The following KLK12 variants were observed in gnomAD, a reference collection of about 807,000 sequenced individuals.
The protein encoded by KLK12 is kallikrein related peptidase 12, also known as kallikrein-12.
Under a neutral mutation model 20.0 loss-of-function variants are expected in KLK12, and 23 were observed. The ratio of observed to expected loss-of-function variants is 1.15; its 90% CI spans 0.83 to 1.63. KLK12 has a LOEUF of 1.63. KLK12 is among the 40% of genes most tolerant of loss of function. The pLI is 0.00. For missense variants in KLK12, 351 were observed against 338.6 expected (o/e 1.04, Z -0.29); for synonymous variants, 147 against 141.9 (o/e 1.04, Z -0.25).
intron 1 of KLK12, 59 bp from the exon 2 acceptor site, chr19:51,034,699 T>G: frequency 3.8e-6 from 6 of 1,559,040 alleles, no homozygotes; most frequent in Non-Finnish European, 5.2e-6. Context: ...ACCTCTGCCC[T>G]CTCTGCTTCT....
chr19:51,033,836 G>A, intron 3 of KLK12, 144 bp downstream of exon 3: 1 of 886,448 alleles, frequency 1.1e-6, no homozygotes, highest in Non-Finnish European at 1.8e-6. Flanking sequence ...CCACTGCTAA[G>A]GAAGTTCCAC....
At position 51,034,485 on chromosome 19, in the gene KLK12, T is replaced by G. The variant is rs562035677; in HGVS notation, c.37+100A>C. ...GCCCCTCTCCTCCTCACCACCAGGC[T>G]GGGGGCCAGAGCTGAGATGGGGAGG... is the stretch of plus-strand genomic sequence containing the variant. On this transcript the variant is annotated intron_variant, in intron 2 of 5. Transcript: ENST00000684732. The G allele has an allele frequency of 1.6e-4, 241 of 1,546,480 alleles. 2 individuals are homozygous for G. The highest frequency in any genetic ancestry group is 6.3e-4 in the South Asian group (53 of 83,756).
chr19:51,034,737 G>C, intron 1 of KLK12, 69 bp downstream of exon 1: 1 of 1,539,900 alleles, frequency 6.5e-7, no homozygotes, highest in Non-Finnish European at 8.8e-7. Flanking sequence ...GGGATGACCT[G>C]CTTGTCCTCT....
At position 51,034,041 on chromosome 19, in the gene KLK12, G is replaced by A. The variant is rs772424726; in HGVS notation, c.136C>T (p.Arg46Cys). ...TGGTCAATAAGGACACCCCCGCAGC[G>A]CAGGCTGGTGCCCTCAAACAGCCCC... is the stretch of plus-strand genomic sequence containing the variant. ...QVGLFEGTSL[R>C]CGGVLIDHRW... The change falls in exon 3 of 6, where the codon CGC (arginine) becomes TGC (cysteine). Residue 46 changes from arginine to cysteine, a missense_variant. Arg to Cys is a radical substitution (Grantham distance 180). Transcript: ENST00000684732. 1.3e-5 allele frequency: 20 copies of A among 1,597,560 alleles called. No homozygotes were observed. Among genetic ancestry groups the A allele is most frequent in the South Asian group, 3.4e-5 (3 of 88,262 alleles).
intron 5 of KLK12, among the ~76,000 whole-genome samples, chr19:51,030,549 C>T (rs1260338475): frequency 1.3e-5 from 2 of 151,996 alleles, no homozygotes; most frequent in African/African-American, 2.4e-5. Flanking sequence ...AGAGTCTCAC[C>T]GTGTTGGCCA....
At chr19:51,031,715 A>T in intron 4 of KLK12, 161 bp downstream of exon 4, 1 of 864,474 alleles carries the variant, frequency 1.2e-6, no homozygotes, top group South Asian at 1.4e-5. Flanking sequence ...CAAGACCCCA[A>T]TCCACCATAA....
In KLK12 at chr19:51,029,216, G is replaced by A; in HGVS notation, c.*86C>T. 7 of 1,614,184 alleles carry A rather than the reference G, an allele frequency of 4.3e-6. No individual in the cohort carries two copies. The highest frequency in any genetic ancestry group is 5.9e-6 in the Non-Finnish European group (7 of 1,180,044). ...TCCCAGGCCAACAAGAGTGGAGCTA[G>A]GGGAAGTGATGGAGGAGATATTGGT... On this transcript the variant is annotated 3_prime_UTR_variant, in exon 6 of 6. Transcript: ENST00000684732.
In KLK12 at chr19:51,034,060, C is replaced by G. The variant is rs1157637387; in HGVS notation, c.117G>C (p.Leu39=). 6.3e-7 allele frequency: 1 copy of G among 1,589,116 alleles called. No homozygotes were observed. The highest frequency in any genetic ancestry group is 8.6e-7 in the Non-Finnish European group (1 of 1,167,706). ...GRNSQPWQVG[L]FEGTSLRCGG... ...CGCAGCGCAGGCTGGTGCCCTCAAA[C>G]AGCCCCACCTGCCACGGCTGTGAGT... is the stretch of plus-strand genomic sequence containing the variant. The change falls in exon 3 of 6, where the codon CTG becomes CTC. Residue 39 remains leucine (L), a synonymous_variant. Transcript: ENST00000684732.
In KLK12 at chr19:51,034,574, G is replaced by T. The variant is rs2091593442; in HGVS notation, c.37+11C>A. On this transcript the variant is annotated intron_variant, in intron 2 of 5. Coordinates refer to ENST00000684732, the MANE Select transcript of KLK12 (RefSeq NM_001370125.1). The stretch of plus-strand genomic sequence containing the variant: ...GCAGTCCTGCCCTCTCCCTGCTCCG[G>T]GAGAACTCACCAAGAACACACAGGA... The T allele has an allele frequency of 1.2e-6, 2 of 1,609,962 alleles. No homozygotes were observed. Among genetic ancestry groups the T allele is most frequent in the East Asian group, 4.5e-5 (2 of 44,866 alleles).
intron 5 of KLK12, among the ~76,000 whole-genome samples, chr19:51,029,738 C>G (rs901311733): frequency 2.6e-5 from 4 of 151,946 alleles, no homozygotes; most frequent in Admixed American, 1.3e-4. Flanking sequence ...GGAGAGAGAG[C>G]ACAGTCATTA....
rs1172634214 is a variant in KLK12, at chr19:51,032,023, T to G, written c.310A>C (p.Ser104Arg). ...AGCAGCCGGAGGTCGTGCTCGTGGC[T>G]CGTCGAGGCTCCCAGGTAGCCGGGA... Reference protein sequence around the residue: ...THPGYLGASTSHEHDLRLLRL... With the variant: ...THPGYLGASTRHEHDLRLLRL... Residue 104 changes from serine (S) to arginine (R), a missense_variant, in exon 4 of 6, where the codon AGC (serine) becomes CGC (arginine). By Grantham distance (110) the Ser-to-Arg change is moderately radical (BLOSUM62 -1). Transcript: ENST00000684732. The G allele has an allele frequency of 1.2e-6, 2 of 1,609,954 alleles. No homozygotes were observed. Among genetic ancestry groups the G allele is most frequent in the African/African-American group, 1.3e-5 (1 of 74,874 alleles).
At position 51,034,943 on chromosome 19, in the gene KLK12, C is replaced by T; in HGVS notation, c.-157G>A. On this transcript the variant is annotated 5_prime_UTR_variant, in exon 1 of 6. It adds an upstream start codon to the 5' untranslated region. Transcript: ENST00000684732. The stretch of plus-strand genomic sequence containing the variant: ...CGCCAGCCAACTCTACCACTCTGCA[C>T]CTGGCTCCTCAGCCACCTGTCATGT... 1 of 1,240,550 alleles carries T rather than the reference C, an allele frequency of 8.1e-7. No individual in the cohort carries two copies. The highest frequency in any genetic ancestry group is 1.0e-6 in the Non-Finnish European group (1 of 981,994). The allele number at this position is 1,240,550 out of a possible 1,614,324, so 76.8% of individuals were successfully genotyped here.
At position 51,030,806 on chromosome 19, in the gene KLK12, C is replaced by T. The variant is rs954024709; in HGVS notation, c.573G>A (p.Pro191=). The change falls in exon 5 of 6, where the codon CCG becomes CCA. Residue 191 remains proline (P), a synonymous_variant. Transcript: ENST00000684732. ...GGCTCACCTGGCAGGCATCCTGCCC[C>T]GGGACGCCGCCTGCACACACCATGT... ...TSNMVCAGGV[P]GQDACQGDSG... 5.0e-6 allele frequency: 8 copies of T among 1,613,760 alleles called. No individual in the cohort carries two copies. Among genetic ancestry groups the T allele is most frequent in the Admixed American group, 3.3e-5 (2 of 60,004 alleles).
In KLK12 at chr19:51,034,566, C is replaced by G; in HGVS notation, c.37+19G>C. 1.9e-6 allele frequency: 3 copies of G among 1,608,922 alleles called. No homozygotes were observed. Among genetic ancestry groups the G allele is most frequent in the Non-Finnish European group, 2.5e-6 (3 of 1,177,450 alleles). ...ATCCAGTCGCAGTCCTGCCCTCTCC[C>G]TGCTCCGGGAGAACTCACCAAGAAC... On this transcript the variant is annotated intron_variant, in intron 2 of 5. Transcript: ENST00000684732.
intron 2 of KLK12, 91 bp from the exon 3 acceptor site, chr19:51,034,230 G>A: frequency 7.2e-7 from 1 of 1,387,284 alleles, no homozygotes; most frequent in Non-Finnish European, 1.0e-6. Flanking sequence ...ACAGGCAGGA[G>A]AGAGAGAGGA....
Position 51,029,365 on chromosome 19 carries a change from A to G in KLK12, c.684T>C (p.Pro228=), listed in dbSNP as rs1308361856. 1 of 1,613,716 alleles carries G rather than the reference A, an allele frequency of 6.2e-7. No homozygotes were observed. Among genetic ancestry groups the G allele is most frequent in the Non-Finnish European group, 8.5e-7 (1 of 1,179,884 alleles). Residue 228 remains proline, a synonymous_variant, in exon 6 of 6, where the codon CCT becomes CCC. Coordinates refer to ENST00000684732, the MANE Select transcript of KLK12 (RefSeq NM_001370125.1). ...SVGPCGQDGI[P]GVYTYICKYV... ...ACTTGCAAATATAGGTGTAGACTCC[A>G]GGGATGCCATCTTGTCCACAGGGCC...
In KLK12 at chr19:51,030,904, G is replaced by A; in HGVS notation, c.475C>T (p.Leu159Phe). 6.2e-7 allele frequency: 1 copy of A among 1,614,110 alleles called. No individual in the cohort carries two copies. The highest frequency in any genetic ancestry group is 8.5e-7 in the Non-Finnish European group (1 of 1,180,012). The change falls in exon 5 of 6, where the codon CTC becomes TTC. Residue 159 changes from leucine to phenylalanine, a missense_variant. Transcript: ENST00000684732. The stretch of plus-strand genomic sequence containing the variant: ...ACGATGGAGAGGTTGAGGCACTGGA[G>A]CAGATCCGGGAATGGGTCTGGAGAG... Reference protein sequence around the residue: ...NHPRNPFPDLLQCLNLSIVSH... With the variant: ...NHPRNPFPDLFQCLNLSIVSH...
rs774623684 is a variant in KLK12 at position 51,032,018 on chromosome 19, G to A, written c.315C>T (p.His105=). The A allele has an allele frequency of 4.3e-6, 7 of 1,610,690 alleles. No homozygotes were observed. The highest frequency in any genetic ancestry group is 3.3e-5 in the Admixed American group (2 of 59,830). Residue 105 remains histidine, a synonymous_variant, in exon 4 of 6, where the codon CAC becomes CAT. Transcript: ENST00000684732. ...GCCGCAGCAGCCGGAGGTCGTGCTC[G>A]TGGCTCGTCGAGGCTCCCAGGTAGC... The part of the protein sequence containing the change: ...HPGYLGASTS[H]EHDLRLLRLR...
chr19:51,031,872 T>C lies in KLK12; in HGVS notation c.457+4A>G. 6.2e-7 allele frequency: 1 copy of C among 1,613,456 alleles called. No individual in the cohort carries two copies. The highest frequency in any genetic ancestry group is 8.5e-7 in the Non-Finnish European group (1 of 1,179,892). On this transcript the variant is annotated splice_donor_region_variant and intron_variant, in intron 4 of 5. Transcript: ENST00000684732. ...CCCCTGACCCCTGGCCCTGGGCCCCTTACTCCGTGGGTGGTTGGTGATGCC... is the reference window on the plus strand; with the variant it reads ...CCCCTGACCCCTGGCCCTGGGCCCCCTACTCCGTGGGTGGTTGGTGATGCC...
Sources: gnomAD v4.1 joint callset for allele counts (sites outside exome capture counted in the v4.1 genomes callset) on GRCh38, gnomAD v4.1.1 for gene constraint, MANE v1.5 for transcripts, NCBI Gene and HGNC (gene_info 2026-07-23, HGNC 2026-07-21) for gene names.